EYS: variants seen among roughly 807,000 people sequenced by gnomAD.
EYS encodes EGF-like photoreceptor maintenance factor.
A neutral mutation model predicts 282.1 loss-of-function variants in EYS; 250 were observed. That is an observed-to-expected ratio of 0.89 (90% CI 0.80 to 0.98). The LOEUF is 0.98. Among genes scored for constraint, EYS ranks in the 50% least tolerant of loss-of-function variants. The pLI is 0.00. For synonymous variants in EYS, 1,355 were observed against 1,282.9 expected (o/e 1.06, Z -1.20); for missense variants, 4,016 against 3,709.0 (o/e 1.08, Z -2.15).
chr6:63,871,990 A>G (rs532735463), intron 35 of EYS, among the ~76,000 whole-genome samples: 1 of 152,314 alleles, frequency 6.6e-6, no homozygotes, highest in South Asian at 2.1e-4. Flanking sequence ...TCCAGCTTCT[A>G]GGTGTCCCAG....
intron 29 of EYS, among the ~76,000 whole-genome samples, chr6:64,388,036 G>A (rs890157031): frequency 6.6e-6 from 1 of 152,050 alleles, no homozygotes; most frequent in Admixed American, 6.6e-5. Flanking sequence ...ATATAATAAG[G>A]GAAAAGATTA....
chr6:64,643,499 G>A (rs563683032), intron 22 of EYS, among the ~76,000 whole-genome samples: 91 of 152,258 alleles, frequency 6.0e-4, no homozygotes, highest in African/African-American at 1.6e-3. Flanking sequence ...AATCCCACGT[G>A]GTCCTGGGCA....
intron 35 of EYS, among the ~76,000 whole-genome samples, chr6:63,884,410 G>C (rs1470777416): frequency 6.6e-6 from 1 of 152,058 alleles, no homozygotes; most frequent in African/African-American, 2.4e-5. Flanking sequence ...AATTACCCTT[G>C]TGAGAGAGGG....
At position 64,956,076 on chromosome 6, in the gene EYS, G is replaced by C. The variant is rs553400639; in HGVS notation, c.2260-10162C>G. 5.3e-5 allele frequency among the ~76,000 whole-genome samples: 8 copies of C among 150,966 alleles called. No individual in the cohort carries two copies. The East Asian group carries it at 1.6e-3, about 29-fold the overall frequency. ...CAAAATATCAATGACATCCTTCACA[G>C]AAATAGAAAAAAAAAATTCCAAAAT... On this transcript the variant is annotated intron_variant, in intron 14 of 42. Transcript: ENST00000503581.
chr6:64,213,766 C>G (rs919837614), intron 31 of EYS, among the ~76,000 whole-genome samples: 3 of 152,012 alleles, frequency 2.0e-5, no homozygotes, highest in African/African-American at 7.2e-5. Flanking sequence ...TGTAAATTAA[C>G]CTGATATATG....
chr6:65,503,083 G>A (rs1327650193), intron 2 of EYS, among the ~76,000 whole-genome samples: 1 of 151,570 alleles, frequency 6.6e-6, no homozygotes, highest in African/African-American at 2.4e-5. Flanking sequence ...TTTAAAAAAT[G>A]TTTACCAGCA....
rs564373508 is a variant in EYS at position 65,207,780 on chromosome 6, G to T, written c.2023+88083C>A. On this transcript the variant is annotated intron_variant, in intron 12 of 42. Transcript: ENST00000503581. ...CAACAAAAATAAACAATAGGGAAAG[G>T]ACTCCCCATTTAAAAAATGGTGATG... is the stretch of plus-strand genomic sequence containing the variant. Among the ~76,000 whole-genome samples the T allele has an allele frequency of 3.3e-5, 5 of 151,724 alleles. No individual in the cohort carries two copies. The East Asian group carries it at 9.7e-4, about 29-fold the overall frequency.
At chr6:64,618,879 T>C (rs1582960546) in intron 23 of EYS, among the ~76,000 whole-genome samples, 1 of 152,226 alleles carries the variant, frequency 6.6e-6, no homozygotes, top group Non-Finnish European at 1.5e-5. Flanking sequence ...TATGACTTTG[T>C]TGAGTCTCAC....
At chr6:64,790,963 CA>C (rs1774173498) in intron 22 of EYS, among the ~76,000 whole-genome samples, 1 of 151,704 alleles carries the variant, frequency 6.6e-6, no homozygotes, top group Non-Finnish European at 1.5e-5. Context: ...AGTTCATTTG[CA>C]AAATTATGAA....
chr6:64,180,999 C>T (rs536848441), intron 31 of EYS, among the ~76,000 whole-genome samples: 4 of 152,200 alleles, frequency 2.6e-5, no homozygotes, highest in Admixed American at 6.5e-5. Flanking sequence ...TTTCCACCTT[C>T]GTGTCCATGT....
At chr6:65,038,519 A>G (rs573569512) in intron 13 of EYS, among the ~76,000 whole-genome samples, 7 of 151,488 alleles carry the variant, frequency 4.6e-5, no homozygotes, top group Non-Finnish European at 8.9e-5. Context: ...CTGGGTTACA[A>G]TCAATAAAAC....
At position 63,741,371 on chromosome 6, in the gene EYS, A is replaced by G. The variant is rs183387547; in HGVS notation, c.8072-14691T>C. Reference sequence around the variant, plus strand: ...GTGAAGTGGAAACACTTGGATTGCAATGAAGTACCATCTGATTTATGAAAT... The same window carrying G: ...GTGAAGTGGAAACACTTGGATTGCAGTGAAGTACCATCTGATTTATGAAAT... On this transcript the variant is annotated intron_variant, in intron 41 of 42. Transcript: ENST00000503581. Among the ~76,000 whole-genome samples, 7 of 152,354 alleles carry G rather than the reference A, an allele frequency of 4.6e-5. No individual in the cohort carries two copies. In the East Asian group the frequency reaches 1.2e-3, roughly 25 times the overall value.
chr6:64,688,351 A>G (rs907204732), intron 22 of EYS, among the ~76,000 whole-genome samples: 1 of 151,484 alleles, frequency 6.6e-6, no homozygotes, highest in Non-Finnish European at 1.5e-5. Context: ...GCTTTCTCTT[A>G]TGGGCATTTA....
chr6:64,425,716 GA>G (rs1269669682), intron 28 of EYS, among the ~76,000 whole-genome samples: 2 of 148,532 alleles, frequency 1.3e-5, no homozygotes, highest in African/African-American at 5.0e-5. Flanking sequence ...AGGTGACAGA[GA>G]AAAAATAAGT....
intron 31 of EYS, among the ~76,000 whole-genome samples, chr6:64,130,410 C>T (rs916596626): frequency 3.3e-5 from 5 of 152,078 alleles, no homozygotes; most frequent in Non-Finnish European, 7.4e-5. Flanking sequence ...TGTTCTCACT[C>T]ATAGGTGAGA....
intron 26 of EYS, among the ~76,000 whole-genome samples, chr6:64,583,246 A>G (rs1766130830): frequency 6.6e-6 from 1 of 152,132 alleles, no homozygotes; most frequent in African/African-American, 2.4e-5. Context: ...TTGTTGGTTT[A>G]TAAAATGTAA....
intron 12 of EYS, among the ~76,000 whole-genome samples, chr6:65,270,872 A>G: frequency 6.6e-6 from 1 of 151,678 alleles, no homozygotes; most frequent in East Asian, 2.0e-4. Context: ...GCAGTGTTCT[A>G]TATATGATTT....
At chr6:63,824,281 A>G (rs114537180) in intron 36 of EYS, among the ~76,000 whole-genome samples, 136 of 152,314 alleles carry the variant, frequency 8.9e-4, no homozygotes, top group African/African-American at 3.1e-3. Flanking sequence ...TATGAATTCA[A>G]TGTGATCTTA....
At chr6:64,744,714 T>C (rs1415855943) in intron 22 of EYS, among the ~76,000 whole-genome samples, 1 of 152,118 alleles carries the variant, frequency 6.6e-6, no homozygotes, top group Admixed American at 6.6e-5. Flanking sequence ...GAAAAAACAG[T>C]TCCCTTTTAA....
Sources: gnomAD v4.1 joint callset for allele counts (sites outside exome capture counted in the v4.1 genomes callset) on GRCh38, gnomAD v4.1.1 for gene constraint, MANE v1.5 for transcripts, NCBI Gene and HGNC (gene_info 2026-07-23, HGNC 2026-07-21) for gene names.